The following TCF12 variants were observed in gnomAD, a reference collection of about 807,000 sequenced individuals.
The protein encoded by TCF12 is transcription factor 12.
A neutral mutation model predicts 86.0 loss-of-function variants in TCF12; 45 were observed. The ratio of observed to expected loss-of-function variants is 0.52; its 90% CI spans 0.41 to 0.67. The LOEUF (loss-of-function observed/expected upper bound fraction) is 0.67, where lower values mean the gene tolerates loss of function less well. Among genes scored for constraint, TCF12 ranks in the 30% least tolerant of loss-of-function variants. The probability of loss-of-function intolerance (pLI) is 0.00; values close to 1 mark genes in which losing one functional copy is unlikely to be tolerated. For synonymous variants in TCF12, 330 were observed against 299.6 expected (o/e 1.10, Z -1.05); for missense variants, 881 against 859.9 (o/e 1.02, Z -0.31).
intron 19 of TCF12, among the ~76,000 whole-genome samples, chr15:57,280,452 G>T (rs2061635447): frequency 6.6e-6 from 1 of 152,140 alleles, no homozygotes; most frequent in African/African-American, 2.4e-5. Context: ...TTATTAGTAT[G>T]CATCACTGAT....
chr15:56,972,939 T>A (rs1233669983), intron 3 of TCF12, among the ~76,000 whole-genome samples: 3 of 152,156 alleles, frequency 2.0e-5, no homozygotes, highest in Non-Finnish European at 2.9e-5. Flanking sequence ...AATATTGAAC[T>A]CTAGTTTTTA....
At chr15:57,029,876 C>T (rs553920176) in intron 3 of TCF12, among the ~76,000 whole-genome samples, 1 of 152,276 alleles carries the variant, frequency 6.6e-6, no homozygotes, top group African/African-American at 2.4e-5. Flanking sequence ...AGCATAATTA[C>T]ATGTGAGATT....
rs552370264 is a variant in TCF12 at position 57,044,337 on chromosome 15, G to GGATC, written c.149-19412_149-19409dup. On this transcript the variant is annotated intron_variant, in intron 3 of 20. Coordinates refer to ENST00000333725, the MANE Select transcript of TCF12 (RefSeq NM_207037.2). ...AGCACTTTGGGAGGCCGAGACAGGC[G>GGATC]GATCACTTGAGGTCAGGAGTTTGAG... Among the ~76,000 whole-genome samples, 41 of 152,158 alleles carry GGATC rather than the reference G, an allele frequency of 2.7e-4. No individual in the cohort carries two copies. In the East Asian group the frequency reaches 5.0e-3, roughly 19 times the overall value.
chr15:57,186,895 T>C (rs1347294667), intron 6 of TCF12, among the ~76,000 whole-genome samples: 2 of 152,050 alleles, frequency 1.3e-5, no homozygotes, highest in African/African-American at 2.4e-5. Context: ...CAAAAAAGAA[T>C]CTCAGCTGAA....
intron 3 of TCF12, among the ~76,000 whole-genome samples, chr15:56,977,709 G>A (rs1012201487): frequency 1.3e-5 from 2 of 152,150 alleles, no homozygotes; most frequent in Admixed American, 6.6e-5. Flanking sequence ...AAAGGAAAAA[G>A]TAATCTGTTT....
At chr15:56,944,994 GTCT>G (rs2140387999) in intron 3 of TCF12, among the ~76,000 whole-genome samples, 1 of 152,114 alleles carries the variant, frequency 6.6e-6, no homozygotes, top group Non-Finnish European at 1.5e-5. Context: ...ATCTATTTAG[GTCT>G]TCTGTAAATT....
In TCF12 at chr15:57,268,535, G is replaced by A. The variant is rs1455671958; in HGVS notation, c.1746-4495G>A. Among the ~76,000 whole-genome samples, 4 of 152,164 alleles carry A rather than the reference G, an allele frequency of 2.6e-5. No homozygotes were observed. In the South Asian group the frequency reaches 8.3e-4, roughly 32 times the overall value. ...CCCAAACCACTTAGGTTACAAGCACGAGCCACCATGCCTGGCCTGTGTACT... is the reference window on the plus strand; with the variant it reads ...CCCAAACCACTTAGGTTACAAGCACAAGCCACCATGCCTGGCCTGTGTACT... On this transcript the variant is annotated intron_variant, in intron 18 of 20. Transcript: ENST00000333725.
At chr15:56,966,428 C>G (rs2062007441) in intron 3 of TCF12, among the ~76,000 whole-genome samples, 1 of 152,084 alleles carries the variant, frequency 6.6e-6, no homozygotes, top group Non-Finnish European at 1.5e-5. Flanking sequence ...AAATGGACCC[C>G]CTAAGATTAA....
intron 5 of TCF12, among the ~76,000 whole-genome samples, chr15:57,145,572 C>T (rs1206887944): frequency 1.3e-5 from 2 of 152,088 alleles, no homozygotes; most frequent in African/African-American, 4.8e-5. Context: ...GTTTCTTGGT[C>T]ACCCATATTG....
intron 18 of TCF12, among the ~76,000 whole-genome samples, chr15:57,270,915 G>A (rs2061108692): frequency 6.6e-6 from 1 of 152,146 alleles, no homozygotes; most frequent in South Asian, 2.1e-4. Flanking sequence ...AGCAAATATT[G>A]CTGCCTGATC....
intron 8 of TCF12, among the ~76,000 whole-genome samples, chr15:57,222,279 G>T (rs1405582072): frequency 2.0e-5 from 3 of 149,618 alleles, no homozygotes; most frequent in Non-Finnish European, 4.4e-5. Context: ...GGGTATTTCA[G>T]ATCTTTTAAT....
chr15:57,267,353 T>C lies in TCF12; in HGVS notation c.1745+4079T>C, dbSNP rs528443231. 3.9e-5 allele frequency among the ~76,000 whole-genome samples: 6 copies of C among 152,334 alleles called. No individual in the cohort carries two copies. In the East Asian group the frequency reaches 1.2e-3, roughly 29 times the overall value. ...TTAATATTATTACTTTAATATGTAT[T>C]GTACTCAACTATCAGGGGCATAAGG... is the stretch of plus-strand genomic sequence containing the variant. On this transcript the variant is annotated intron_variant, in intron 18 of 20. Coordinates refer to ENST00000333725, the MANE Select transcript of TCF12 (RefSeq NM_207037.2).
intron 19 of TCF12, among the ~76,000 whole-genome samples, chr15:57,277,953 A>C (rs1490602616): frequency 2.0e-5 from 3 of 152,074 alleles, no homozygotes; most frequent in Non-Finnish European, 4.4e-5. Flanking sequence ...GAAAAAAAAA[A>C]AGATATATCA....
intron 18 of TCF12, among the ~76,000 whole-genome samples, chr15:57,264,043 C>A (rs2060715259): frequency 6.6e-6 from 1 of 151,808 alleles, no homozygotes; most frequent in African/African-American, 2.4e-5. Flanking sequence ...AAATATTTTT[C>A]TTCAATAGTA....
intron 6 of TCF12, among the ~76,000 whole-genome samples, chr15:57,175,607 A>C (rs187491198): frequency 5.9e-5 from 9 of 152,332 alleles, no homozygotes; most frequent in Admixed American, 4.6e-4. Flanking sequence ...TTTATGTAAC[A>C]ACAAACCTAA....
At chr15:57,053,225 C>T (rs1273093999) in intron 3 of TCF12, among the ~76,000 whole-genome samples, 2 of 152,038 alleles carry the variant, frequency 1.3e-5, no homozygotes, top group African/African-American at 2.4e-5. Context: ...TGTATGATGC[C>T]GAGCAGCTTT....
intron 19 of TCF12, among the ~76,000 whole-genome samples, chr15:57,281,974 T>TG (rs774375402): frequency 3.9e-5 from 6 of 152,134 alleles, no homozygotes; most frequent in Admixed American, 6.5e-5. Context: ...CCAAAAAGGT[T>TG]GGGGACCACT....
chr15:57,170,715 A>T lies in TCF12; in HGVS notation c.390+4249A>T, dbSNP rs1262369417. Among the ~76,000 whole-genome samples the T allele has an allele frequency of 2.7e-3, 31 of 11,368 alleles. 1 individual carries two copies. Among genetic ancestry groups the T allele is most frequent in the African/African-American group, 9.3e-3 (29 of 3,114 alleles). The allele number at this position is 11,368 out of a possible 152,430, so 7.5% of individuals were successfully genotyped here. On this transcript the variant is annotated intron_variant, in intron 6 of 20. Coordinates refer to ENST00000333725, the MANE Select transcript of TCF12 (RefSeq NM_207037.2). ...ATATATATTATATATAATATATAAT[A>T]TATATATTATATATTATATATAATA...
At chr15:57,235,931 T>G (rs1431667781) in intron 12 of TCF12, among the ~76,000 whole-genome samples, 1 of 152,160 alleles carries the variant, frequency 6.6e-6, no homozygotes, top group African/African-American at 2.4e-5. Flanking sequence ...CTTCCCCTGT[T>G]ATAAACAGCA....
Sources: allele counts gnomAD v4.1 joint callset (sites outside exome capture counted in the v4.1 genomes callset), GRCh38; gene constraint gnomAD v4.1.1; transcripts MANE v1.5; gene names NCBI Gene and HGNC (gene_info 2026-07-23, HGNC 2026-07-21).